The following EBF4 variants were observed in gnomAD, a reference collection of about 807,000 sequenced individuals.
EBF4 encodes the protein transcription factor COE4.
In EBF4, 34 loss-of-function variants were observed where a neutral mutation model predicts 67.1. That is an observed-to-expected ratio of 0.51 (90% CI 0.39 to 0.67). EBF4 has a LOEUF of 0.67. EBF4 is among the 30% of genes least tolerant of loss of function. EBF4 has a pLI of 0.00. For synonymous variants in EBF4, 387 were observed against 377.7 expected, an observed-to-expected ratio of 1.02 and a Z score of -0.29; for missense variants, 837 against 873.3, an observed-to-expected ratio of 0.96 and a Z score of 0.52.
intron 6 of EBF4, among the ~76,000 whole-genome samples, chr20:2,730,918 T>C (rs1208668301): frequency 2.6e-5 from 4 of 152,142 alleles, no homozygotes; most frequent in African/African-American, 9.7e-5. Flanking sequence ...TTGTTTGTTT[T>C]AGATGGAGTC....
Position 2,746,687 on chromosome 20 carries a change from A to G in EBF4, c.558-1862A>G, listed in dbSNP as rs114642222. ...GAGGCAACTCTGGTGAATTAAATGA[A>G]CATTCAAATTTGGGGTATATAAGTA... is the stretch of plus-strand genomic sequence containing the variant. On this transcript the variant is annotated intron_variant, in intron 6 of 16. Transcript: ENST00000609451. 3.4e-3 allele frequency among the ~76,000 whole-genome samples: 520 copies of G among 152,354 alleles called. 4 individuals are homozygous for G. Among genetic ancestry groups the G allele is most frequent in the African/African-American group, 0.012 (495 of 41,576 alleles).
Position 2,755,450 on chromosome 20 carries a change from G to A in EBF4, c.1541-177G>A, listed in dbSNP as rs2088226853. On this transcript the variant is annotated intron_variant, in intron 14 of 16. Transcript: ENST00000609451. This position sits in a 1 kb window ranked among gnomAD's most constrained non-coding sequence, Gnocchi z 4.7. The stretch of plus-strand genomic sequence containing the variant: ...GCCCCGAGAAAAGGTCTCCAGAACC[G>A]CTGAGAGGTCAGGGCTGGCCCAGGA... 8.5e-6 allele frequency: 5 copies of A among 590,594 alleles called. No individual in the cohort carries two copies. The highest frequency in any genetic ancestry group is 2.8e-5 in the East Asian group (1 of 35,262). The allele number at this position is 590,594 out of a possible 1,614,324, so 36.6% of individuals were successfully genotyped here. A position where few individuals can be genotyped will look rare whatever the true frequency, so the allele number is the denominator to read the frequency against.
chr20:2,727,046 T>C (rs921422967), intron 6 of EBF4, among the ~76,000 whole-genome samples: 12 of 152,208 alleles, frequency 7.9e-5, no homozygotes, highest in African/African-American at 2.9e-4. Context: ...TTTTTGCGAC[T>C]GGCTTATTTT....
At chr20:2,713,817 C>A (rs776079063) in intron 6 of EBF4, among the ~76,000 whole-genome samples, 1 of 152,074 alleles carries the variant, frequency 6.6e-6, no homozygotes, top group Non-Finnish European at 1.5e-5. Flanking sequence ...AGGGGTTGAA[C>A]TGGATGTTAG....
Position 2,707,292 on chromosome 20 carries a change from G to A in EBF4, c.415-655G>A, listed in dbSNP as rs1229241502. 6.6e-6 allele frequency among the ~76,000 whole-genome samples: 1 copy of A among 152,126 alleles called. No individual in the cohort carries two copies. The highest frequency in any genetic ancestry group is 1.5e-5 in the Non-Finnish European group (1 of 68,022). On this transcript the variant is annotated intron_variant, in intron 4 of 16. Transcript: ENST00000609451. This position sits in a 1 kb window ranked among gnomAD's most constrained non-coding sequence, Gnocchi z 4.6. ...AGAGGGATCCCACAAATGGGGGAAG[G>A]CACAGAGGGTTATAAACTAGGAAGG...
intron 6 of EBF4, among the ~76,000 whole-genome samples, chr20:2,723,005 T>C (rs1280043457): frequency 6.6e-6 from 1 of 152,226 alleles, no homozygotes; most frequent in Non-Finnish European, 1.5e-5. Context: ...GTCTGCTTGA[T>C]CTATTGGAAA....
At chr20:2,702,386 C>T (rs1256574698) in intron 1 of EBF4, among the ~76,000 whole-genome samples, 1 of 151,764 alleles carries the variant, frequency 6.6e-6, no homozygotes, top group South Asian at 2.1e-4. Flanking sequence ...TATAATTGTG[C>T]CACCGCACTC....
chr20:2,736,810 G>A (rs571940093), intron 6 of EBF4, among the ~76,000 whole-genome samples: 1 of 147,000 alleles, frequency 6.8e-6, no homozygotes, highest in Non-Finnish European at 1.5e-5. Flanking sequence ...CATATAGGCT[G>A]AGATGCCAGT....
chr20:2,711,725 A>C (rs940329795), intron 6 of EBF4, among the ~76,000 whole-genome samples: 6 of 152,234 alleles, frequency 3.9e-5, no homozygotes, highest in Non-Finnish European at 8.8e-5. Context: ...CCTTGTGTTC[A>C]CGGGCTTACA....
At position 2,756,757 on chromosome 20, in the gene EBF4, C is replaced by T. The variant is rs1179934119; in HGVS notation, c.1738+933C>T. The stretch of plus-strand genomic sequence containing the variant: ...TGGAAGAGGTTGGGTTAGAGCACGT[C>T]CTATTGAGTATTCCCCAAGACAATA... On this transcript the variant is annotated intron_variant, in intron 15 of 16. Transcript: ENST00000609451. This position sits in a 1 kb window ranked among gnomAD's most constrained non-coding sequence, Gnocchi z 4.5. 6.6e-6 allele frequency among the ~76,000 whole-genome samples: 1 copy of T among 152,164 alleles called. No individual in the cohort carries two copies. The highest frequency in any genetic ancestry group is 1.9e-4 in the East Asian group (1 of 5,194).
chr20:2,735,410 T>G (rs1213592210), intron 6 of EBF4, among the ~76,000 whole-genome samples: 1 of 152,204 alleles, frequency 6.6e-6, no homozygotes. Context: ...CAAAGCTTTC[T>G]GTTCTTATTA....
At position 2,693,609 on chromosome 20, in the gene EBF4, C is replaced by G; in HGVS notation, c.-37C>G. 1 of 1,360,166 alleles carries G rather than the reference C, an allele frequency of 7.4e-7. No homozygotes were observed. Among genetic ancestry groups the G allele is most frequent in the Non-Finnish European group, 9.4e-7 (1 of 1,060,512 alleles). The allele number at this position is 1,360,166 out of a possible 1,614,324, so 84.3% of individuals were successfully genotyped here. On this transcript the variant is annotated 5_prime_UTR_variant, in exon 1 of 17. In the 5' UTR this introduces an upstream ATG that the reference lacks. Transcript: ENST00000609451. The surrounding 1 kb of genome is among the most constrained non-coding windows in gnomAD (Gnocchi z 4.6). ...GCCCGCAGCCTCAGCGGGACCGGAT[C>G]CGGGGCGGCGGGGGCGCTCACTCAC...
rs117198521 is a variant in EBF4 at position 2,745,560 on chromosome 20, G to T, written c.558-2989G>T. Reference sequence around the variant, plus strand: ...CCAGAAAATGGTGGCTGTACAGGGCGTGAGAATTGGTGTGGACCCAAAGGA... The same window carrying T: ...CCAGAAAATGGTGGCTGTACAGGGCTTGAGAATTGGTGTGGACCCAAAGGA... On this transcript the variant is annotated intron_variant, in intron 6 of 16. Coordinates refer to ENST00000609451, the Ensembl canonical transcript of EBF4. This position sits in a 1 kb window ranked among gnomAD's most constrained non-coding sequence, Gnocchi z 5.2. Among the ~76,000 whole-genome samples, 1 of 152,324 alleles carries T rather than the reference G, an allele frequency of 6.6e-6. No homozygotes were observed. The highest frequency in any genetic ancestry group is 1.5e-5 in the Non-Finnish European group (1 of 68,024).
At chr20:2,709,788 A>C in intron 6 of EBF4, 146 bp downstream of exon 6, 1 of 798,740 alleles carries the variant, frequency 1.3e-6, no homozygotes, top group Non-Finnish European at 1.7e-6. Flanking sequence ...AGAGAGGGAA[A>C]CTGCCAGGCA....
chr20:2,713,920 G>A (rs1236725035), intron 6 of EBF4, among the ~76,000 whole-genome samples: 8 of 152,170 alleles, frequency 5.3e-5, no homozygotes, highest in Non-Finnish European at 1.2e-4. Context: ...TTGGAGAAAA[G>A]ATGCTCACGG....
intron 6 of EBF4, among the ~76,000 whole-genome samples, chr20:2,712,406 G>C (rs1468901547): frequency 6.6e-6 from 1 of 152,184 alleles, no homozygotes; most frequent in African/African-American, 2.4e-5. Context: ...TGGAAGGAGA[G>C]AGAGAGAGTC....
In EBF4 at chr20:2,751,939, G is replaced by A. The variant is rs1290828286; in HGVS notation, c.1125G>A (p.Arg375=). The A allele has an allele frequency of 1.4e-5, 21 of 1,549,096 alleles. No individual in the cohort carries two copies. The highest frequency in any genetic ancestry group is 2.7e-5 in the African/African-American group (2 of 73,014). The change falls in exon 12 of 17, where the codon CGG becomes CGA. Residue 375 remains arginine, a synonymous_variant. Coordinates refer to ENST00000609451, the Ensembl canonical transcript of EBF4. The surrounding 1 kb of genome is among the most constrained non-coding windows in gnomAD (Gnocchi z 5.2). ...GTCCCCAGGAAGTGCTGCTGAAGCG[G>A]GCGGCCGACTTGGCAGAAGCCCTGT... is the stretch of plus-strand genomic sequence containing the variant.
chr20:2,737,585 C>A (rs2087906435), intron 6 of EBF4, among the ~76,000 whole-genome samples: 1 of 152,064 alleles, frequency 6.6e-6, no homozygotes, highest in Non-Finnish European at 1.5e-5. Context: ...CAGTGCCCAG[C>A]ACAGTGACTG....
intron 1 of EBF4, among the ~76,000 whole-genome samples, chr20:2,703,050 A>G (rs1177475042): frequency 1.3e-5 from 2 of 152,052 alleles, no homozygotes; most frequent in Non-Finnish European, 2.9e-5. Flanking sequence ...CCAAGATGGG[A>G]GAAAGCTGGA....
Sources: allele counts gnomAD v4.1 joint callset (sites outside exome capture counted in the v4.1 genomes callset), GRCh38; gene constraint gnomAD v4.1.1; non-coding constraint Gnocchi (gnomAD v3.1); transcripts MANE v1.5; gene names NCBI Gene and HGNC (gene_info 2026-07-23, HGNC 2026-07-21).